Variants in ARAP1 observed in about 807,000 individuals in gnomAD.
The protein encoded by ARAP1 is ArfGAP with RhoGAP domain, ankyrin repeat and PH domain 1, also known as arf-GAP with Rho-GAP domain, ANK repeat and PH domain-containing protein 1.
Under a neutral mutation model 172.2 loss-of-function variants are expected in ARAP1, and 76 were observed. That is an observed-to-expected ratio of 0.44 (90% CI 0.37 to 0.53). ARAP1 has a LOEUF of 0.53. Ranked by LOEUF, ARAP1 falls within the 20% of genes least tolerant of loss-of-function variation. ARAP1 has a pLI of 0.00. For missense variants in ARAP1, 1,686 were observed against 1,977.5 expected, an observed-to-expected ratio of 0.85 and a Z score of 2.80; for synonymous variants, 804 against 803.3, an observed-to-expected ratio of 1.00 and a Z score of -0.01.
intron 12 of ARAP1, among the ~76,000 whole-genome samples, chr11:72,706,568 A>T (rs1358900815): frequency 6.6e-6 from 1 of 152,194 alleles, no homozygotes; most frequent in Non-Finnish European, 1.5e-5. Context: ...CATCTTCCTC[A>T]TCCAGTCAGT....
chr11:72,708,212 G>A (rs1479906563), intron 11 of ARAP1: 1 of 152,134 alleles, frequency 6.6e-6, no homozygotes, highest in Non-Finnish European at 1.5e-5. Context: ...CTGGAGGTGT[G>A]ATGGCCATTA....
chr11:72,687,861 C>CA, intron 31 of ARAP1, 123 bp from the exon 32 acceptor site: 1 of 1,159,242 alleles, frequency 8.6e-7, no homozygotes, highest in South Asian at 1.2e-5. Flanking sequence ...AGCCTTCTCA[C>CA]AAGAGTGGCA....
intron 1 of ARAP1, among the ~76,000 whole-genome samples, chr11:72,739,817 A>G (rs1858148211): frequency 6.6e-6 from 1 of 152,052 alleles, no homozygotes; most frequent in African/African-American, 2.4e-5. Flanking sequence ...GCTCTGGGCT[A>G]GACTCCCTCC....
chr11:72,707,074 G>T, intron 12 of ARAP1, 101 bp downstream of exon 12: 1 of 1,252,044 alleles, frequency 8.0e-7, no homozygotes. Context: ...CTCTCTGAGT[G>T]CTGTCTCCGC....
intron 3 of ARAP1, among the ~76,000 whole-genome samples, chr11:72,721,480 A>G (rs1393272125): frequency 6.6e-6 from 1 of 151,714 alleles, no homozygotes; most frequent in Non-Finnish European, 1.5e-5. Flanking sequence ...AAGTAAGGTG[A>G]TCAGCACCAG....
At chr11:72,732,229 G>A (rs535097217) in intron 2 of ARAP1, among the ~76,000 whole-genome samples, 30 of 152,294 alleles carry the variant, frequency 2.0e-4, no homozygotes, top group African/African-American at 7.2e-4. Flanking sequence ...GCCAGGCAGG[G>A]AGGGGAATCC....
chr11:72,696,456 A>G, intron 23 of ARAP1, 93 bp downstream of exon 23: 1 of 1,028,490 alleles, frequency 9.7e-7, no homozygotes, highest in Non-Finnish European at 1.4e-6. Flanking sequence ...GCAAAAGCCC[A>G]GCTGGCTCCC....
At chr11:72,701,617 T>C in intron 16 of ARAP1, 32 bp downstream of exon 16, 3 of 1,599,916 alleles carry the variant, frequency 1.9e-6, no homozygotes, top group Non-Finnish European at 2.6e-6. Context: ...CCAGATGCCA[T>C]GGGCTAAAGC....
In ARAP1 at chr11:72,695,505, G is replaced by C. The variant is rs374344913; in HGVS notation, c.3507+37C>G. On this transcript the variant is annotated intron_variant, in intron 25 of 34. Coordinates refer to ENST00000393609, the MANE Select transcript of ARAP1 (RefSeq NM_001040118.3). The surrounding 1 kb of genome is among the most constrained non-coding windows in gnomAD (Gnocchi z 4.4). ...GGGGCCTAGGAAATGGGTGCAGGTGGCAGGTCCAAGCCCCCCACCCAGGCT... is the reference window on the plus strand; with the variant it reads ...GGGGCCTAGGAAATGGGTGCAGGTGCCAGGTCCAAGCCCCCCACCCAGGCT... 20 of 1,614,002 alleles carry C rather than the reference G, an allele frequency of 1.2e-5. No individual in the cohort carries two copies. Among genetic ancestry groups the C allele is most frequent in the Non-Finnish European group, 1.6e-5 (19 of 1,180,020 alleles).
chr11:72,739,767 C>A (rs1858146587), intron 1 of ARAP1, among the ~76,000 whole-genome samples: 1 of 152,170 alleles, frequency 6.6e-6, no homozygotes, highest in African/African-American at 2.4e-5. Flanking sequence ...GCCCTAAGGT[C>A]TTGGCTAGTC....
intron 1 of ARAP1, among the ~76,000 whole-genome samples, chr11:72,746,756 C>A (rs1425386859): frequency 6.6e-6 from 1 of 152,074 alleles, no homozygotes; most frequent in African/African-American, 2.4e-5. Flanking sequence ...TGGGGGATCC[C>A]CAGAGTCGCT....
At chr11:72,727,676 C>T (rs781716587) in intron 2 of ARAP1, among the ~76,000 whole-genome samples, 4 of 152,254 alleles carry the variant, frequency 2.6e-5, no homozygotes, top group Non-Finnish European at 4.4e-5. Context: ...GGAGCCGAGA[C>T]TAGCCTCCCC....
chr11:72,691,298 A>G (rs192433385), intron 30 of ARAP1, among the ~76,000 whole-genome samples: 1 of 152,200 alleles, frequency 6.6e-6, no homozygotes, highest in East Asian at 1.9e-4. Flanking sequence ...GGAACATTAG[A>G]TCTCATCCCT....
In ARAP1 at chr11:72,710,937, T is replaced by C; in HGVS notation, c.1213+84A>G. 6.3e-7 allele frequency: 1 copy of C among 1,591,714 alleles called. No homozygotes were observed. Among genetic ancestry groups the C allele is most frequent in the Non-Finnish European group, 8.6e-7 (1 of 1,166,152 alleles). ...GTGATGTGAGAGGGCAGATGCACCA[T>C]GACTCTCTTCCCCCTCCTCTGCCCA... On this transcript the variant is annotated intron_variant, in intron 9 of 34. Coordinates refer to ENST00000393609, the MANE Select transcript of ARAP1 (RefSeq NM_001040118.3). This position sits in a 1 kb window ranked among gnomAD's most constrained non-coding sequence, Gnocchi z 4.3.
chr11:72,727,239 C>T lies in ARAP1; in HGVS notation c.-44-67G>A. The T allele has an allele frequency of 3.0e-6, 4 of 1,315,472 alleles. No homozygotes were observed. In the South Asian group the frequency reaches 6.0e-5, roughly 20 times the overall value. The allele number at this position is 1,315,472 out of a possible 1,614,324, so 81.5% of individuals were successfully genotyped here. A position where few individuals can be genotyped will look rare whatever the true frequency, so the allele number is the denominator to read the frequency against. ...GAGGATTGGTCCCCTCACCAGCAGC[C>T]TGCATGGCTCTCTCAAGCCATAGGT... On this transcript the variant is annotated intron_variant, in intron 2 of 34. Coordinates refer to ENST00000393609, the MANE Select transcript of ARAP1 (RefSeq NM_001040118.3).
chr11:72,712,672 G>A (rs748302632), intron 5 of ARAP1, 104 bp from the exon 6 acceptor site: 1 of 1,568,256 alleles, frequency 6.4e-7, no homozygotes, highest in Non-Finnish European at 8.7e-7. Flanking sequence ...GACCCACACA[G>A]CCCAGCACTT....
chr11:72,735,386 A>G (rs1261532045), intron 1 of ARAP1, among the ~76,000 whole-genome samples: 1 of 151,822 alleles, frequency 6.6e-6, no homozygotes, highest in Non-Finnish European at 1.5e-5. Flanking sequence ...CAAGGCGGGT[A>G]GATCACTTGA....
chr11:72,749,359 T>C (rs1246404094), intron 1 of ARAP1, among the ~76,000 whole-genome samples: 5 of 152,188 alleles, frequency 3.3e-5, no homozygotes, highest in African/African-American at 1.2e-4. Flanking sequence ...CCTAATTTCT[T>C]GGGTTATTGG....
intron 1 of ARAP1, among the ~76,000 whole-genome samples, chr11:72,746,775 C>T (rs1474681744): frequency 1.3e-5 from 2 of 152,012 alleles, no homozygotes; most frequent in Non-Finnish European, 1.5e-5. Flanking sequence ...CTCCTTACTG[C>T]CCCTCCCTGA....
Sources: allele counts gnomAD v4.1 joint callset (sites outside exome capture counted in the v4.1 genomes callset), GRCh38; gene constraint gnomAD v4.1.1; non-coding constraint Gnocchi (gnomAD v3.1); transcripts MANE v1.5; gene names NCBI Gene and HGNC (gene_info 2026-07-23, HGNC 2026-07-21).